NXPE2: variants seen among roughly 807,000 people sequenced by gnomAD.
NXPE2 encodes the protein NXPE family member 2.
A neutral mutation model predicts 34.4 loss-of-function variants in NXPE2; 34 were observed. The observed-to-expected ratio is 0.99, with a 90% CI of 0.75 to 1.31. The LOEUF (loss-of-function observed/expected upper bound fraction) is 1.31, where lower values mean the gene tolerates loss of function less well. NXPE2 is among the 40% of genes most tolerant of loss of function. The pLI is 0.00. For synonymous variants in NXPE2, 235 were observed against 231.3 expected (o/e 1.02, Z -0.15); for missense variants, 649 against 672.5 (o/e 0.97, Z 0.39).
the NXPE2 span, among the ~76,000 whole-genome samples, chr11:114,508,125 G>T: frequency 3.9e-5 from 6 of 152,058 alleles, no homozygotes; most frequent in Non-Finnish European, 7.4e-5. Flanking sequence ...GCCAAAACAG[G>T]TACAAACTCC....
At chr11:114,809,765 C>T in the NXPE2 span, among the ~76,000 whole-genome samples, 1 of 107,728 alleles carries the variant, frequency 9.3e-6, no homozygotes, top group Non-Finnish European at 1.9e-5. Context: ...GCCATACTGC[C>T]CAAGGTAATT....
chr11:114,742,293 G>A, the NXPE2 span, among the ~76,000 whole-genome samples: 36 of 152,102 alleles, frequency 2.4e-4, 1 homozygote. Context: ...ATAAAGCCTG[G>A]GCCCAAGCAG....
the NXPE2 span, among the ~76,000 whole-genome samples, chr11:114,796,795 A>G: frequency 6.6e-6 from 1 of 152,178 alleles, no homozygotes; most frequent in East Asian, 1.9e-4. Flanking sequence ...TGCTCAGATG[A>G]GCAAAGTGCT....
the NXPE2 span, among the ~76,000 whole-genome samples, chr11:114,490,729 G>T: frequency 1.3e-3 from 199 of 152,254 alleles, no homozygotes; most frequent in African/African-American, 4.6e-3. Flanking sequence ...TTAAATGTTA[G>T]ACCTAAAACC....
chr11:114,547,628 G>A, the NXPE2 span, among the ~76,000 whole-genome samples: 1 of 152,080 alleles, frequency 6.6e-6, no homozygotes, highest in Non-Finnish European at 1.5e-5. Context: ...CCAGCTACTC[G>A]GGAGGCTGAG....
At chr11:114,509,107 CTT>C in the NXPE2 span, among the ~76,000 whole-genome samples, 2 of 152,188 alleles carry the variant, frequency 1.3e-5, no homozygotes, top group Non-Finnish European at 2.9e-5. Context: ...TGAAGAGACA[CTT>C]TTCAAAAGAA....
intron 2 of NXPE2, among the ~76,000 whole-genome samples, chr11:114,683,768 T>C (rs1950990829): frequency 6.6e-6 from 1 of 152,124 alleles, no homozygotes; most frequent in Admixed American, 6.6e-5. Context: ...AAATAACTGG[T>C]AAATAACAAA....
At chr11:114,625,741 T>A in the NXPE2 span, among the ~76,000 whole-genome samples, 5 of 152,250 alleles carry the variant, frequency 3.3e-5, no homozygotes, top group African/African-American at 9.6e-5. Flanking sequence ...GGCAGGTGAT[T>A]TCTGCATTTC....
chr11:114,743,256 T>C, the NXPE2 span, among the ~76,000 whole-genome samples: 1 of 152,208 alleles, frequency 6.6e-6, no homozygotes, highest in Non-Finnish European at 1.5e-5. Context: ...GACATTAACT[T>C]AGCAAAGTAA....
chr11:114,474,013 TATA>T, the NXPE2 span, among the ~76,000 whole-genome samples: 1 of 152,128 alleles, frequency 6.6e-6, no homozygotes, highest in Admixed American at 6.5e-5. Flanking sequence ...GAGTTAAAGA[TATA>T]TTCAAGGTTT....
chr11:114,594,614 A>G, the NXPE2 span: 2 of 1,175,308 alleles, frequency 1.7e-6, no homozygotes, highest in Non-Finnish European at 2.5e-6. Context: ...CAGATGAGGT[A>G]ATAAGCAAAA....
the NXPE2 span, among the ~76,000 whole-genome samples, chr11:114,660,651 T>C: frequency 2.6e-5 from 4 of 152,070 alleles, no homozygotes; most frequent in Admixed American, 1.3e-4. Context: ...TGTATTGATA[T>C]CATGTTCAAT....
At chr11:114,797,781 C>T in the NXPE2 span, among the ~76,000 whole-genome samples, 23 of 152,248 alleles carry the variant, frequency 1.5e-4, no homozygotes, top group East Asian at 7.7e-4. Flanking sequence ...AACTTTGGGA[C>T]GAATAATGCT....
chr11:114,553,595 A>T, the NXPE2 span: 1 of 406,704 alleles, frequency 2.5e-6, no homozygotes, highest in Non-Finnish European at 3.3e-6. Flanking sequence ...CTTAATCAAG[A>T]TCACATTTGT....
At chr11:114,746,142 A>G in the NXPE2 span, among the ~76,000 whole-genome samples, 1 of 152,024 alleles carries the variant, frequency 6.6e-6, no homozygotes, top group Non-Finnish European at 1.5e-5. Flanking sequence ...TTGATGTTTG[A>G]CCAGAATCTA....
chr11:114,582,436 C>T, the NXPE2 span: 7 of 1,614,180 alleles, frequency 4.3e-6, no homozygotes, highest in African/African-American at 8.0e-5. Context: ...TGGCACAATT[C>T]AGCATTTGTG....
At position 114,706,685 on chromosome 11, in the gene NXPE2, C is replaced by A. The variant is rs1350148504; in HGVS notation, c.1435C>A (p.Arg479=). The A allele has an allele frequency of 1.3e-6, 2 of 1,551,932 alleles. No homozygotes were observed. The highest frequency in any genetic ancestry group is 2.7e-5 in the African/African-American group (2 of 73,040). The stretch of plus-strand genomic sequence containing the variant: ...AAAGGCCATTGAACGTCTATTCTTG[C>A]GAAGCCCGGAGACCAAGGTGATACT... The part of the protein sequence containing the change: ...IQKAIERLFL[R]SPETKVILKT... Residue 479 remains arginine (R), a synonymous_variant, in exon 6 of 6, where the codon CGA becomes AGA. Transcript: ENST00000389586.
the NXPE2 span, among the ~76,000 whole-genome samples, chr11:114,468,937 G>C: frequency 2.6e-5 from 4 of 151,858 alleles, no homozygotes; most frequent in Non-Finnish European, 5.9e-5. Context: ...ATTACTACTA[G>C]CCTAAATAAA....
chr11:114,777,349 C>T, the NXPE2 span, among the ~76,000 whole-genome samples: 1 of 152,112 alleles, frequency 6.6e-6, no homozygotes, highest in Non-Finnish European at 1.5e-5. Flanking sequence ...GGACTGTAGC[C>T]CTACTCTATG....
Sources: gnomAD v4.1 joint callset for allele counts (sites outside exome capture counted in the v4.1 genomes callset) on GRCh38, gnomAD v4.1.1 for gene constraint, MANE v1.5 for transcripts, NCBI Gene and HGNC (gene_info 2026-07-23, HGNC 2026-07-21) for gene names.